Variants in PSEN1 observed in about 807,000 individuals in gnomAD.
PSEN1 encodes the protein presenilin 1.
Under a neutral mutation model 53.5 loss-of-function variants are expected in PSEN1, and 15 were observed. The observed-to-expected ratio is 0.28, with a 90% CI of 0.19 to 0.43. The LOEUF (loss-of-function observed/expected upper bound fraction) is 0.43, where lower values mean the gene tolerates loss of function less well. Among genes scored for constraint, PSEN1 ranks in the 20% least tolerant of loss-of-function variants. The pLI is 1.00. For synonymous variants in PSEN1, 208 were observed against 209.8 expected, an observed-to-expected ratio of 0.99 and a Z score of 0.08; for missense variants, 387 against 571.2, an observed-to-expected ratio of 0.68 and a Z score of 3.29.
rs976006579 is a variant in PSEN1 at position 73,219,496 on chromosome 14, C to CA, written c.*208dup. The CA allele has an allele frequency of 1.2e-5, 7 of 597,700 alleles. No homozygotes were observed. Among genetic ancestry groups the CA allele is most frequent in the African/African-American group, 7.4e-5 (4 of 54,048 alleles). 37.0% of individuals were successfully genotyped at this position (597,700 alleles called of 1,614,324 possible). Reference sequence around the variant, plus strand: ...ATAGAAAACGATTTTGAACATACTTCATCGCAGTGGACTGTGTCCCTCGGT... The same window carrying CA: ...ATAGAAAACGATTTTGAACATACTTCAATCGCAGTGGACTGTGTCCCTCGGT... On this transcript the variant is annotated 3_prime_UTR_variant, in exon 12 of 12. Transcript: ENST00000324501.
intron 1 of PSEN1, among the ~76,000 whole-genome samples, chr14:73,145,112 C>A (rs185859124): frequency 4.6e-3 from 699 of 152,194 alleles, no homozygotes; most frequent in Non-Finnish European, 7.3e-3. Context: ...AGGCTGGTCT[C>A]GAACTCCTGG....
intron 3 of PSEN1, among the ~76,000 whole-genome samples, chr14:73,162,473 GGAGAGAGA>G (rs371588222): frequency 2.1e-5 from 3 of 145,380 alleles, no homozygotes; most frequent in African/African-American, 5.1e-5. Context: ...TCCATGAGAA[GGAGAGAGA>G]GAGAGAGAGA....
At chr14:73,179,703 T>C (rs1214069683) in intron 5 of PSEN1, among the ~76,000 whole-genome samples, 1 of 152,212 alleles carries the variant, frequency 6.6e-6, no homozygotes, top group African/African-American at 2.4e-5. Flanking sequence ...ACTAGAGGTC[T>C]TCTGGAGCTC....
intron 9 of PSEN1, among the ~76,000 whole-genome samples, chr14:73,210,480 A>G (rs1899632558): frequency 6.6e-6 from 1 of 152,218 alleles, no homozygotes; most frequent in Admixed American, 6.5e-5. Flanking sequence ...TCAAATTAAA[A>G]CATCAAGTTA....
chr14:73,199,128 T>C (rs1161547041), intron 8 of PSEN1, among the ~76,000 whole-genome samples: 1 of 152,198 alleles, frequency 6.6e-6, no homozygotes, highest in Non-Finnish European at 1.5e-5. Context: ...GTGGCTCATA[T>C]CTAATTTAGT....
chr14:73,199,426 T>G (rs969488231), intron 8 of PSEN1, among the ~76,000 whole-genome samples: 1 of 152,198 alleles, frequency 6.6e-6, no homozygotes, highest in Non-Finnish European at 1.5e-5. Context: ...ATTTTTCACT[T>G]AAGAATATCA....
At chr14:73,184,384 C>T (rs868450148) in intron 5 of PSEN1, among the ~76,000 whole-genome samples, 8,959 of 98,092 alleles carry the variant, frequency 0.091, 595 homozygotes, top group South Asian at 0.14. Flanking sequence ...GCTGGCCGGG[C>T]GGGGGGCTGA....
intron 3 of PSEN1, among the ~76,000 whole-genome samples, chr14:73,163,903 A>C (rs908395913): frequency 2.6e-5 from 4 of 152,134 alleles, no homozygotes; most frequent in Non-Finnish European, 1.5e-5. Flanking sequence ...AGTTTTAAAC[A>C]AAGGAATGAC....
At chr14:73,162,069 C>T (rs1594984113) in intron 3 of PSEN1, among the ~76,000 whole-genome samples, 1 of 148,488 alleles carries the variant, frequency 6.7e-6, no homozygotes, top group South Asian at 2.1e-4. Context: ...ATCCCAGCTA[C>T]TCGGGAGACT....
chr14:73,203,042 T>C lies in PSEN1; in HGVS notation c.869-3344T>C, dbSNP rs867930407. On this transcript the variant is annotated intron_variant, in intron 8 of 11. Coordinates refer to ENST00000324501, the MANE Select transcript of PSEN1 (RefSeq NM_000021.4). ...GTAATACTAAATGTCTGGTGAAGATTTGAGGATTTTATATAAATCATTGAG... is the reference window on the plus strand; with the variant it reads ...GTAATACTAAATGTCTGGTGAAGATCTGAGGATTTTATATAAATCATTGAG... 2.3e-4 allele frequency among the ~76,000 whole-genome samples: 35 copies of C among 152,140 alleles called. 1 individual carries two copies. The highest frequency in any genetic ancestry group is 6.8e-3 in the Middle Eastern group (2 of 294).
At chr14:73,160,803 C>CTTTTTTTT (rs34048372) in intron 3 of PSEN1, among the ~76,000 whole-genome samples, 16 of 84,712 alleles carry the variant, frequency 1.9e-4, no homozygotes, top group Middle Eastern at 0.014. Flanking sequence ...AATTGTAGGA[C>CTTTTTTTT]TTTTTTTTTT....
chr14:73,207,498 A>C (rs1899499627), intron 9 of PSEN1, among the ~76,000 whole-genome samples: 1 of 152,254 alleles, frequency 6.6e-6, no homozygotes, highest in South Asian at 2.1e-4. Context: ...TTATAAAGCC[A>C]GGAAATCTAC....
At chr14:73,138,960 C>G (rs1328827258) in intron 1 of PSEN1, among the ~76,000 whole-genome samples, 1 of 136,846 alleles carries the variant, frequency 7.3e-6, no homozygotes, top group Non-Finnish European at 1.6e-5. Flanking sequence ...GAGCCAGACT[C>G]TGTCAAGAAA....
intron 7 of PSEN1, among the ~76,000 whole-genome samples, chr14:73,193,329 AAGCTTTTT>A (rs1200591257): frequency 5.3e-5 from 8 of 151,766 alleles, no homozygotes; most frequent in Non-Finnish European, 1.2e-4. Context: ...TTGGTTTTTC[AAGCTTTTT>A]GAGGTTTTGA....
At chr14:73,211,964 G>A (rs760283723) in intron 10 of PSEN1, 22 bp downstream of exon 10, 21 of 1,611,448 alleles carry the variant, frequency 1.3e-5, no homozygotes, top group Non-Finnish European at 1.8e-5. Context: ...TCTCTATGTT[G>A]CAAAGTCATG....
intron 8 of PSEN1, among the ~76,000 whole-genome samples, chr14:73,203,375 A>G (rs950469661): frequency 1.3e-5 from 2 of 152,204 alleles, no homozygotes; most frequent in Non-Finnish European, 1.5e-5. Context: ...GGCATGAGCC[A>G]CCGCACCTGG....
intron 8 of PSEN1, among the ~76,000 whole-genome samples, chr14:73,200,083 A>G (rs1899115472): frequency 6.6e-6 from 1 of 152,136 alleles, no homozygotes; most frequent in South Asian, 2.1e-4. Context: ...CTGTGCATAC[A>G]TGCATGTGTG....
intron 8 of PSEN1, among the ~76,000 whole-genome samples, chr14:73,202,466 T>A (rs865880865): frequency 0.012 from 380 of 32,880 alleles, 1 homozygote; most frequent in South Asian, 0.016. Flanking sequence ...ATATATATTT[T>A]TTTTTTTTTT....
chr14:73,191,287 A>T (rs918172121), intron 6 of PSEN1, among the ~76,000 whole-genome samples: 1 of 152,220 alleles, frequency 6.6e-6, no homozygotes, highest in South Asian at 2.1e-4. Flanking sequence ...CTTTGCATAA[A>T]TGGGATCATA....
Sources: gnomAD v4.1 joint callset for allele counts (sites outside exome capture counted in the v4.1 genomes callset) on GRCh38, gnomAD v4.1.1 for gene constraint, MANE v1.5 for transcripts, NCBI Gene and HGNC (gene_info 2026-07-23, HGNC 2026-07-21) for gene names.